The following PLA2G6 variants were observed in gnomAD, a reference collection of about 807,000 sequenced individuals.
PLA2G6 encodes the protein phospholipase A2 group VI, also known as 85/88 kDa calcium-independent phospholipase A2.
In PLA2G6, 62 loss-of-function variants were observed where a neutral mutation model predicts 83.8. The ratio of observed to expected loss-of-function variants is 0.74; its 90% CI spans 0.60 to 0.91. The LOEUF is 0.91. Among genes scored for constraint, PLA2G6 ranks in the 40% least tolerant of loss-of-function variants. PLA2G6 has a pLI of 0.00. For missense variants in PLA2G6, 944 were observed against 1,102.0 expected (o/e 0.86, Z 2.03); for synonymous variants, 417 against 449.8 (o/e 0.93, Z 0.92).
At chr22:38,143,575 A>G (rs1449275701) in intron 3 of PLA2G6, 1 of 531,302 alleles carries the variant, frequency 1.9e-6, no homozygotes, top group Non-Finnish European at 3.5e-6. Flanking sequence ...GGGTCACAGA[A>G]CACGGATATC....
At chr22:38,126,562 C>T in intron 9 of PLA2G6, 113 bp from the exon 10 acceptor site, 1 of 731,392 alleles carries the variant, frequency 1.4e-6, no homozygotes, top group East Asian at 2.7e-5. Context: ...ACGCCCTCAT[C>T]CCCCCACTCC....
chr22:38,129,338 A>G, intron 8 of PLA2G6, 116 bp downstream of exon 8: 2 of 762,632 alleles, frequency 2.6e-6, no homozygotes, highest in South Asian at 1.4e-5. Flanking sequence ...GGCAGCTCTG[A>G]GCAGGGCGGG....
chr22:38,160,917 G>A (rs559989812), intron 2 of PLA2G6, among the ~76,000 whole-genome samples: 1 of 152,266 alleles, frequency 6.6e-6, no homozygotes, highest in African/African-American at 2.4e-5. Flanking sequence ...ACAAAAGGAG[G>A]GCTTCTGGGG....
intron 10 of PLA2G6, chr22:38,125,529 G>C (rs1309371289): frequency 2.8e-6 from 1 of 354,418 alleles, no homozygotes; most frequent in Non-Finnish European, 5.8e-6. Flanking sequence ...TTTCCCTGCA[G>C]AGGGCTGGCA....
intron 16 of PLA2G6, 22 bp from the exon 17 acceptor site, chr22:38,112,327 G>A: frequency 6.2e-7 from 1 of 1,611,688 alleles, no homozygotes; most frequent in Non-Finnish European, 8.5e-7. Context: ...AGGGAGGAGG[G>A]GGTCACCCTA....
At chr22:38,127,120 TGCA>T (rs2087906927) in intron 9 of PLA2G6, 1 of 1,125,358 alleles carries the variant, frequency 8.9e-7, no homozygotes, top group Non-Finnish European at 1.1e-6. Context: ...AGGTGCCTGG[TGCA>T]GCAGCCCGCG....
At chr22:38,170,378 C>T (rs970251820) in intron 1 of PLA2G6, among the ~76,000 whole-genome samples, 7 of 151,916 alleles carry the variant, frequency 4.6e-5, no homozygotes, top group African/African-American at 1.5e-4. Flanking sequence ...CAAAGAGCTC[C>T]GAGAGACAGC....
chr22:38,130,399 C>G (rs2088136187), intron 7 of PLA2G6: 1 of 152,606 alleles, frequency 6.6e-6, no homozygotes, highest in Non-Finnish European at 1.5e-5. Context: ...CTCACTGCAA[C>G]CTCTACCTAC....
chr22:38,154,031 G>C (rs1336891696), intron 2 of PLA2G6, among the ~76,000 whole-genome samples: 1 of 152,240 alleles, frequency 6.6e-6, no homozygotes, highest in Admixed American at 6.5e-5. Flanking sequence ...GGAGGGAAGA[G>C]CAGGAAGGAC....
intron 1 of PLA2G6, among the ~76,000 whole-genome samples, chr22:38,173,792 G>A (rs1463854697): frequency 6.6e-6 from 1 of 152,192 alleles, no homozygotes; most frequent in Admixed American, 6.5e-5. Context: ...GCTCGTGCCT[G>A]TAATTCCAGC....
chr22:38,162,208 C>CAAAA (rs1162906670), intron 2 of PLA2G6, among the ~76,000 whole-genome samples: 2 of 74,504 alleles, frequency 2.7e-5, no homozygotes, highest in African/African-American at 5.9e-5. Context: ...GACTCTGTGT[C>CAAAA]AAAAAAAAAA....
Position 38,140,576 on chromosome 22 carries a change from G to C in PLA2G6, c.610-407C>G, listed in dbSNP as rs575291465. 3.2e-5 allele frequency: 8 copies of C among 247,368 alleles called. No homozygotes were observed. The Admixed American group carries it at 4.1e-4, about 13-fold the overall frequency. The allele number at this position is 247,368 out of a possible 1,614,324, so 15.3% of individuals were successfully genotyped here. On this transcript the variant is annotated intron_variant, in intron 4 of 16. Coordinates refer to ENST00000332509, the MANE Select transcript of PLA2G6 (RefSeq NM_003560.4). ...CAGTGTGGATGGGAGGGAAGGGGTC[G>C]ACCTGGCATGACTGTGGCTCACATG... is the stretch of plus-strand genomic sequence containing the variant.
Position 38,123,035 on chromosome 22 carries a change from G to C in PLA2G6, c.1591+60C>G, listed in dbSNP as rs934212000. ...TTTGCAAAGCCCTGAAGACAAACTC[G>C]GCCCCTTGAGGACACAGGTCTCAGC... On this transcript the variant is annotated intron_variant, in intron 11 of 16. Transcript: ENST00000332509. This position sits in a 1 kb window ranked among gnomAD's most constrained non-coding sequence, Gnocchi z 4.1. 4 of 1,471,846 alleles carry C rather than the reference G, an allele frequency of 2.7e-6. No homozygotes were observed. Among genetic ancestry groups the C allele is most frequent in the Non-Finnish European group, 3.7e-6 (4 of 1,084,724 alleles). 91.2% of individuals were successfully genotyped at this position (1,471,846 alleles called of 1,614,324 possible).
In PLA2G6 at chr22:38,132,111, T is replaced by C. The variant is rs1223247965; in HGVS notation, c.1077+720A>G. Reference sequence around the variant, plus strand: ...GCCTGGGCGACAGTGCGAGACTCCATCTCGAAAAAAAAGAATACATGCACA... The same window carrying C: ...GCCTGGGCGACAGTGCGAGACTCCACCTCGAAAAAAAAGAATACATGCACA... On this transcript the variant is annotated intron_variant, in intron 7 of 16. Transcript: ENST00000332509. The surrounding 1 kb of genome is among the most constrained non-coding windows in gnomAD (Gnocchi z 5.0). The C allele has an allele frequency of 2.2e-6, 1 of 455,448 alleles. No homozygotes were observed. Among genetic ancestry groups the C allele is most frequent in the Non-Finnish European group, 4.4e-6 (1 of 226,650 alleles). The allele number at this position is 455,448 out of a possible 1,614,324, so 28.2% of individuals were successfully genotyped here. A position where few individuals can be genotyped will look rare whatever the true frequency, so the allele number is the denominator to read the frequency against.
intron 1 of PLA2G6, among the ~76,000 whole-genome samples, chr22:38,172,512 G>A (rs1234745180): frequency 6.6e-6 from 1 of 152,244 alleles, no homozygotes; most frequent in Non-Finnish European, 1.5e-5. Context: ...CTGGGTTTAT[G>A]GGCTTTTGTT....
At chr22:38,120,138 C>G (rs533041651) in intron 12 of PLA2G6, among the ~76,000 whole-genome samples, 2 of 152,216 alleles carry the variant, frequency 1.3e-5, no homozygotes, top group African/African-American at 4.8e-5. Context: ...CATCCAGCCC[C>G]GAACGGGATG....
chr22:38,135,219 A>G (rs1444093489), intron 5 of PLA2G6, 135 bp from the exon 6 acceptor site: 1 of 691,466 alleles, frequency 1.4e-6, no homozygotes, highest in African/African-American at 1.7e-5. Context: ...CCCAACCAGC[A>G]CACTCACCAT....
intron 3 of PLA2G6, chr22:38,143,720 A>G: frequency 3.1e-6 from 1 of 318,422 alleles, no homozygotes; most frequent in Non-Finnish European, 6.2e-6. Flanking sequence ...ACGCCTGGAA[A>G]CTAAAGTGCA....
intron 7 of PLA2G6, chr22:38,130,202 G>A (rs2088124850): frequency 5.6e-6 from 1 of 178,640 alleles, no homozygotes; most frequent in Admixed American, 5.4e-5. Flanking sequence ...AGAGAATGAA[G>A]CTGTGGGTCT....
Sources: gnomAD v4.1 joint callset for allele counts (sites outside exome capture counted in the v4.1 genomes callset) on GRCh38, gnomAD v4.1.1 for gene constraint, Gnocchi (gnomAD v3.1) non-coding constraint, MANE v1.5 for transcripts, NCBI Gene and HGNC (gene_info 2026-07-23, HGNC 2026-07-21) for gene names.